Variants in ZNF704 observed in about 807,000 individuals in gnomAD.
ZNF704 encodes the protein zinc finger protein 704, also known as glucocorticoid induced gene 1.
ZNF704 carries 10 observed loss-of-function variants against 44.7 expected under a neutral mutation model. That is an observed-to-expected ratio of 0.22 (90% confidence interval 0.14 to 0.38). The LOEUF (loss-of-function observed/expected upper bound fraction) is 0.38. ZNF704 is among the 10% of genes least tolerant of loss of function. The pLI is 1.00. For missense variants in ZNF704, 390 were observed against 545.5 expected, an observed-to-expected ratio of 0.71 and a Z score of 2.84; for synonymous variants, 211 against 207.6, an observed-to-expected ratio of 1.02 and a Z score of -0.14.
intron 3 of ZNF704, among the ~76,000 whole-genome samples, chr8:80,688,716 G>A (rs534337654): frequency 1.3e-5 from 2 of 152,204 alleles, no homozygotes; most frequent in African/African-American, 4.8e-5. Context: ...ATTATGAAAT[G>A]TTTGCTAATG....
chr8:80,867,844 T>C (rs952599829), intron 1 of ZNF704, among the ~76,000 whole-genome samples: 4 of 152,248 alleles, frequency 2.6e-5, no homozygotes, highest in Non-Finnish European at 4.4e-5. Context: ...TACTGAGCAC[T>C]GGAAGTGGGA....
intron 2 of ZNF704, among the ~76,000 whole-genome samples, chr8:80,751,916 T>A (rs1806950900): frequency 6.6e-6 from 1 of 151,748 alleles, no homozygotes; most frequent in Non-Finnish European, 1.5e-5. Context: ...AATTTGTGTA[T>A]TTTTTTTAGT....
chr8:80,664,419 G>C (rs1171538968), intron 6 of ZNF704, among the ~76,000 whole-genome samples: 1 of 151,992 alleles, frequency 6.6e-6, no homozygotes, highest in Non-Finnish European at 1.5e-5. Context: ...TTACAGGCAT[G>C]TGCCACCACA....
intron 2 of ZNF704, 29 bp downstream of exon 2, chr8:80,821,345 G>A: frequency 6.2e-7 from 1 of 1,604,452 alleles, no homozygotes; most frequent in Non-Finnish European, 8.5e-7. Flanking sequence ...TCCTGGGGCA[G>A]ACACATGTGA....
chr8:80,824,926 A>G (rs987670257), intron 1 of ZNF704, among the ~76,000 whole-genome samples: 37 of 152,344 alleles, frequency 2.4e-4, no homozygotes, highest in African/African-American at 7.2e-4. Flanking sequence ...TGAAGGAAGC[A>G]CTAAACATGG....
intron 8 of ZNF704, 55 bp downstream of exon 8, chr8:80,642,979 GT>G: frequency 8.1e-7 from 1 of 1,231,172 alleles, no homozygotes; most frequent in Non-Finnish European, 1.1e-6. Flanking sequence ...CTGCTGTTCT[GT>G]TTTACAGTTA....
At chr8:80,776,624 C>T (rs1807414590) in intron 2 of ZNF704, 1 of 152,086 alleles carries the variant, frequency 6.6e-6, no homozygotes, top group Non-Finnish European at 1.5e-5. Flanking sequence ...GATTTTTATA[C>T]AGTTAAAATT....
At chr8:80,741,465 G>A (rs1342682956) in intron 2 of ZNF704, among the ~76,000 whole-genome samples, 1 of 152,236 alleles carries the variant, frequency 6.6e-6, no homozygotes, top group Non-Finnish European at 1.5e-5. Flanking sequence ...TTTACAGGTA[G>A]TGGCAGCAGT....
chr8:80,650,813 G>A (rs1585922674), intron 7 of ZNF704, among the ~76,000 whole-genome samples: 1 of 152,270 alleles, frequency 6.6e-6, no homozygotes, highest in East Asian at 1.9e-4. Context: ...GAAATACAGA[G>A]AATGCCACAA....
intron 2 of ZNF704, among the ~76,000 whole-genome samples, chr8:80,808,099 G>A (rs11993037): frequency 0.22 from 33,274 of 152,146 alleles, 5,296 homozygotes; most frequent in African/African-American, 0.45. Flanking sequence ...CACACATGGG[G>A]TAAGTCCAAA....
chr8:80,689,695 T>G (rs1032224548), intron 3 of ZNF704, among the ~76,000 whole-genome samples: 1 of 152,228 alleles, frequency 6.6e-6, no homozygotes, highest in Non-Finnish European at 1.5e-5. Context: ...TGAATTTATT[T>G]TGAAAACCAA....
chr8:80,749,059 G>T (rs1397391177), intron 2 of ZNF704, among the ~76,000 whole-genome samples: 2 of 152,184 alleles, frequency 1.3e-5, no homozygotes, highest in African/African-American at 4.8e-5. Context: ...TGTGATGTGA[G>T]TTCAGCCCCT....
At chr8:80,688,090 C>G (rs764787790) in intron 3 of ZNF704, among the ~76,000 whole-genome samples, 46 of 152,048 alleles carry the variant, frequency 3.0e-4, no homozygotes, top group Non-Finnish European at 4.1e-4. Flanking sequence ...CACCTATAGT[C>G]CCAGCTACTC....
chr8:80,836,389 T>C (rs1373022901), intron 1 of ZNF704, among the ~76,000 whole-genome samples: 1 of 152,168 alleles, frequency 6.6e-6, no homozygotes, highest in Admixed American at 6.5e-5. Flanking sequence ...TTCAAATGTC[T>C]TTCTCAGTGA....
chr8:80,748,592 T>C (rs1436686257), intron 2 of ZNF704, among the ~76,000 whole-genome samples: 2 of 152,182 alleles, frequency 1.3e-5, no homozygotes, highest in Non-Finnish European at 2.9e-5. Context: ...GTAAAATCCA[T>C]ATTTTAGACT....
At chr8:80,823,285 G>A (rs1160502576) in intron 1 of ZNF704, among the ~76,000 whole-genome samples, 1 of 152,196 alleles carries the variant, frequency 6.6e-6, no homozygotes, top group Non-Finnish European at 1.5e-5. Flanking sequence ...CCCGTGCCTG[G>A]CTCGGAGGGT....
At chr8:80,759,459 GA>G (rs1361432738) in intron 2 of ZNF704, among the ~76,000 whole-genome samples, 1 of 152,006 alleles carries the variant, frequency 6.6e-6, no homozygotes, top group Non-Finnish European at 1.5e-5. Context: ...AGTGTGGCAG[GA>G]CCTACGACTT....
chr8:80,662,428 G>A (rs1251755719), intron 6 of ZNF704, among the ~76,000 whole-genome samples: 1 of 152,104 alleles, frequency 6.6e-6, no homozygotes, highest in Non-Finnish European at 1.5e-5. Context: ...ATATAGATGA[G>A]CAAAATGATT....
intron 1 of ZNF704, among the ~76,000 whole-genome samples, chr8:80,850,674 T>C (rs1808843268): frequency 1.3e-5 from 2 of 152,240 alleles, no homozygotes. Flanking sequence ...TTAGCTCTAA[T>C]ATCATTTACT....
Sources: gnomAD v4.1 joint callset for allele counts (sites outside exome capture counted in the v4.1 genomes callset) on GRCh38, gnomAD v4.1.1 for gene constraint, MANE v1.5 for transcripts, NCBI Gene and HGNC (gene_info 2026-07-23, HGNC 2026-07-21) for gene names.